The following CIZ1 variants were observed in gnomAD, a reference collection of about 807,000 sequenced individuals.
CIZ1 encodes the protein cip1-interacting zinc finger protein.
Under a neutral mutation model 118.6 loss-of-function variants are expected in CIZ1, and 58 were observed. That is an observed-to-expected ratio of 0.49 (90% CI 0.40 to 0.61). CIZ1 has a LOEUF of 0.61. Among genes scored for constraint, CIZ1 ranks in the 20% least tolerant of loss-of-function variants. CIZ1 has a pLI of 0.00. For missense variants in CIZ1, 921 were observed against 1,115.9 expected (o/e 0.83, Z 2.49); for synonymous variants, 448 against 443.4 (o/e 1.01, Z -0.13).
intron 1 of CIZ1, chr9:128,197,960 T>A (rs1419002706): frequency 6.6e-6 from 1 of 152,252 alleles, no homozygotes; most frequent in African/African-American, 2.4e-5. Flanking sequence ...GTCATCAGGT[T>A]AGAAAGTGAC....
Position 128,166,483 on chromosome 9 carries a change from G to T in CIZ1, c.2488-77C>A. ...CTCCTGGCCAGCAGCTACTTCCCCA[G>T]CTCTGGCTGAGACAGTATTAGTGTG... On this transcript the variant is annotated intron_variant, in intron 16 of 16. Coordinates refer to ENST00000372938, the MANE Select transcript of CIZ1 (RefSeq NM_001131016.2). This position sits in a 1 kb window ranked among gnomAD's most constrained non-coding sequence, Gnocchi z 4.4. 8.2e-7 allele frequency: 1 copy of T among 1,224,584 alleles called. No individual in the cohort carries two copies. The highest frequency in any genetic ancestry group is 1.1e-6 in the Non-Finnish European group (1 of 882,526). 75.9% of individuals were successfully genotyped at this position (1,224,584 alleles called of 1,614,324 possible).
intron 11 of CIZ1, 21 bp from the exon 12 acceptor site, chr9:128,170,128 C>T (rs1360339202): frequency 1.9e-6 from 3 of 1,605,432 alleles, no homozygotes; most frequent in Non-Finnish European, 2.6e-6. Context: ...ACAGTCAAAG[C>T]AAGTACAATG....
chr9:128,177,076 G>A (rs772385054), intron 10 of CIZ1, among the ~76,000 whole-genome samples: 2 of 152,084 alleles, frequency 1.3e-5, no homozygotes, highest in Non-Finnish European at 2.9e-5. Context: ...TTTTAGTAGA[G>A]ACGGGGTTTC....
intron 2 of CIZ1, 22 bp from the exon 3 acceptor site, chr9:128,190,466 C>G (rs368882544): frequency 6.4e-7 from 1 of 1,569,008 alleles, no homozygotes; most frequent in Non-Finnish European, 8.7e-7. Flanking sequence ...GAGGGGGTGT[C>G]AGAGGGTTAT....
chr9:128,177,528 G>GCGCCCC, intron 10 of CIZ1, 38 bp downstream of exon 10: 26 of 1,164,636 alleles, frequency 2.2e-5, no homozygotes, highest in East Asian at 2.9e-5. Flanking sequence ...TTCCACGCAG[G>GCGCCCC]CCCCACCCCT....
At chr9:128,197,206 T>C (rs1209580617) in intron 1 of CIZ1, 1 of 152,196 alleles carries the variant, frequency 6.6e-6, no homozygotes, top group Non-Finnish European at 1.5e-5. Flanking sequence ...ATTAAATTAG[T>C]GAATGATGAA....
chr9:128,167,899 G>A (rs1417011398), intron 14 of CIZ1, among the ~76,000 whole-genome samples: 1 of 152,200 alleles, frequency 6.6e-6, no homozygotes, highest in Non-Finnish European at 1.5e-5. Flanking sequence ...CCAAGTTCAG[G>A]TTGTTACTTC....
intron 11 of CIZ1, among the ~76,000 whole-genome samples, chr9:128,176,006 A>C (rs1830799998): frequency 6.6e-6 from 1 of 152,206 alleles, no homozygotes; most frequent in Admixed American, 6.5e-5. Flanking sequence ...CAACCACAAA[A>C]GAACCTGATC....
At chr9:128,189,752 G>A (rs1004185980) in intron 3 of CIZ1, among the ~76,000 whole-genome samples, 7 of 143,762 alleles carry the variant, frequency 4.9e-5, no homozygotes, top group South Asian at 4.3e-4. Flanking sequence ...CCCGGGAACC[G>A]GAGGTTGCAG....
At chr9:128,192,063 G>C (rs1456683885), upstream of CIZ1, 12 of 580,206 alleles carry the variant, frequency 2.1e-5, no homozygotes, top group Non-Finnish European at 3.0e-5. Flanking sequence ...TTTGGCTAAG[G>C]AAGGAGTAGG....
intron 11 of CIZ1, 30 bp from the exon 12 acceptor site, chr9:128,170,137 T>C: frequency 1.9e-6 from 3 of 1,590,622 alleles, no homozygotes; most frequent in East Asian, 2.2e-5. Context: ...GCAAGTACAA[T>C]GTGACGCCAG....
At chr9:128,181,896 T>C (rs141254821) in intron 5 of CIZ1, among the ~76,000 whole-genome samples, 54 of 152,350 alleles carry the variant, frequency 3.5e-4, no homozygotes, top group African/African-American at 1.0e-3. Flanking sequence ...CTCCCTGTGA[T>C]GCTGTGCTTC....
upstream of CIZ1, among the ~76,000 whole-genome samples, chr9:128,192,255 A>C (rs991801161): frequency 2.0e-5 from 3 of 152,112 alleles, no homozygotes; most frequent in African/African-American, 2.4e-5. Context: ...CTGTAGTCCC[A>C]GCTACTCGGG....
chr9:128,169,140 G>A lies in CIZ1; in HGVS notation c.2207C>T (p.Ala736Val). Residue 736 changes from alanine (A) to valine (V), a missense_variant, in exon 14 of 17, where the codon GCT becomes GTT. Physicochemically the swap from Ala to Val is moderately conservative, Grantham distance 64 (BLOSUM62 0). Coordinates refer to ENST00000372938, the MANE Select transcript of CIZ1 (RefSeq NM_001131016.2). Reference sequence around the variant, plus strand: ...TTCATCACCCTCGAAGCAACCCACAGCGTCCACTGTAATGAAGTGGTCCTC... The same window carrying A: ...TTCATCACCCTCGAAGCAACCCACAACGTCCACTGTAATGAAGTGGTCCTC... ...QDEDHFITVD[A>V]VGCFEGDEEE... The A allele has an allele frequency of 6.2e-7, 1 of 1,614,118 alleles. No individual in the cohort carries two copies. Among genetic ancestry groups the A allele is most frequent in the Non-Finnish European group, 8.5e-7 (1 of 1,180,012 alleles).
At chr9:128,188,049 C>CAAAAAAA (rs34003070) in intron 3 of CIZ1, 115 bp from the exon 4 acceptor site, 764 of 22,206 alleles carry the variant, frequency 0.034, 25 homozygotes, top group African/African-American at 0.094. Flanking sequence ...CTTAAAACAG[C>CAAAAAAA]AAAAAAAAAA....
At chr9:128,194,235 G>A (rs1179096903), upstream of CIZ1, among the ~76,000 whole-genome samples, 1 of 151,590 alleles carries the variant, frequency 6.6e-6, no homozygotes, top group South Asian at 2.1e-4. Flanking sequence ...GGTGGCAGAC[G>A]CCTGTCATCC....
intron 7 of CIZ1, among the ~76,000 whole-genome samples, chr9:128,179,666 T>C (rs2130959582): frequency 6.6e-6 from 1 of 151,890 alleles, no homozygotes; most frequent in African/African-American, 2.4e-5. Flanking sequence ...TTTTGGTTTT[T>C]TGTTGTTGTT....
Position 128,166,422 on chromosome 9 carries a change from G to T in CIZ1, c.2488-16C>A. On this transcript the variant is annotated splice_polypyrimidine_tract_variant and intron_variant, in intron 16 of 16. Coordinates refer to ENST00000372938, the MANE Select transcript of CIZ1 (RefSeq NM_001131016.2). This position sits in a 1 kb window ranked among gnomAD's most constrained non-coding sequence, Gnocchi z 4.4. ...CCTTGTATTTCTGGATACAGAAGGT[G>T]CAGGTAAGGTCAGGGTCTCCTCCCT... 5 of 1,509,080 alleles carry T rather than the reference G, an allele frequency of 3.3e-6. No homozygotes were observed. The highest frequency in any genetic ancestry group is 4.5e-6 in the Non-Finnish European group (5 of 1,120,996). The allele number at this position is 1,509,080 out of a possible 1,614,324, so 93.5% of individuals were successfully genotyped here.
chr9:128,186,514 T>C (rs1224802712), intron 4 of CIZ1, among the ~76,000 whole-genome samples: 1 of 152,194 alleles, frequency 6.6e-6, no homozygotes, highest in African/African-American at 2.4e-5. Flanking sequence ...CTTGATCCTT[T>C]GCCTGAATTC....
Sources: allele counts gnomAD v4.1 joint callset (sites outside exome capture counted in the v4.1 genomes callset), GRCh38; gene constraint gnomAD v4.1.1; non-coding constraint Gnocchi (gnomAD v3.1); transcripts MANE v1.5; gene names NCBI Gene and HGNC (gene_info 2026-07-23, HGNC 2026-07-21).